The following AMY2B variants were observed in gnomAD, a reference collection of about 807,000 sequenced individuals.
AMY2B encodes amylase alpha 2B.
A neutral mutation model predicts 59.3 loss-of-function variants in AMY2B; 63 were observed. The ratio of observed to expected loss-of-function variants is 1.06; its 90% CI spans 0.87 to 1.31. AMY2B has a LOEUF of 1.31. Among genes scored for constraint, AMY2B ranks in the 50% most tolerant of loss-of-function variants. AMY2B has a pLI of 0.00. For synonymous variants in AMY2B, 180 were observed against 198.1 expected (o/e 0.91, Z 0.77); for missense variants, 635 against 626.7 (o/e 1.01, Z -0.14).
chr1:103,560,828 A>T (rs891051443), intron 1 of AMY2B, among the ~76,000 whole-genome samples: 1 of 152,148 alleles, frequency 6.6e-6, no homozygotes, highest in Non-Finnish European at 1.5e-5. Flanking sequence ...ATATTTTCAT[A>T]TAATATTTTA....
chr1:103,560,558 A>G (rs1163638204), intron 1 of AMY2B, among the ~76,000 whole-genome samples: 1 of 152,136 alleles, frequency 6.6e-6, no homozygotes, highest in Non-Finnish European at 1.5e-5. Context: ...GGAATTAGGC[A>G]CATTTTCTGT....
chr1:103,561,510 G>C (rs1164420347), intron 1 of AMY2B, among the ~76,000 whole-genome samples: 1 of 152,052 alleles, frequency 6.6e-6, no homozygotes, highest in African/African-American at 2.4e-5. Context: ...TTTTGATTTA[G>C]TGACACTGCT....
At position 103,572,107 on chromosome 1, in the gene AMY2B, T is replaced by C. The variant is rs755592483; in HGVS notation, c.169-3T>C. 10 of 1,611,582 alleles carry C rather than the reference T, an allele frequency of 6.2e-6. No homozygotes were observed. In the Admixed American group the frequency reaches 1.0e-4, roughly 16 times the overall value. On this transcript the variant is annotated splice_polypyrimidine_tract_variant and splice_region_variant and intron_variant, in intron 1 of 9. Coordinates refer to ENST00000684275, the MANE Select transcript of AMY2B (RefSeq NM_001387437.1). The stretch of plus-strand genomic sequence containing the variant: ...GTAGTTATGAAGACTGTTTAATTTG[T>C]AGGTCTCTCCACCAAATGAAAATGT...
At chr1:103,575,969 C>CA (rs1382492361) in intron 7 of AMY2B, among the ~76,000 whole-genome samples, 2 of 151,796 alleles carry the variant, frequency 1.3e-5, no homozygotes, top group South Asian at 2.1e-4. Flanking sequence ...ATATGGAATA[C>CA]AAAAAAATGA....
At position 103,575,436 on chromosome 1, in the gene AMY2B, T is replaced by G; in HGVS notation, c.1002-5T>G. 6.2e-7 allele frequency: 1 copy of G among 1,613,548 alleles called. No individual in the cohort carries two copies. Among genetic ancestry groups the G allele is most frequent in the Non-Finnish European group, 8.5e-7 (1 of 1,179,684 alleles). ...TCTGTGATAATATAATTATGTAACTTTCAGGCTGTATAAAATGGCAGTTGG... is the reference window on the plus strand; with the variant it reads ...TCTGTGATAATATAATTATGTAACTGTCAGGCTGTATAAAATGGCAGTTGG... On this transcript the variant is annotated splice_region_variant and splice_polypyrimidine_tract_variant and intron_variant, in intron 6 of 9. Coordinates refer to ENST00000684275, the MANE Select transcript of AMY2B (RefSeq NM_001387437.1).
At chr1:103,571,824 G>C (rs1652144000) in intron 1 of AMY2B, 54 bp downstream of exon 1, 1 of 1,611,904 alleles carries the variant, frequency 6.2e-7, no homozygotes, top group Non-Finnish European at 8.5e-7. Flanking sequence ...GTAGTAAATA[G>C]TATTCTGATC....
chr1:103,576,898 C>T (rs2101078834), intron 7 of AMY2B, among the ~76,000 whole-genome samples: 1 of 152,264 alleles, frequency 6.6e-6, no homozygotes, highest in Admixed American at 6.5e-5. Flanking sequence ...GGTACTAATG[C>T]CCTTCCCATT....
intron 1 of AMY2B, among the ~76,000 whole-genome samples, chr1:103,557,275 A>G (rs1651587441): frequency 6.6e-6 from 1 of 152,160 alleles, no homozygotes; most frequent in African/African-American, 2.4e-5. Flanking sequence ...AAAAGCCAGG[A>G]TATCAAGTAA....
At chr1:103,557,497 C>CA (rs910438470) in intron 1 of AMY2B, among the ~76,000 whole-genome samples, 35 of 151,464 alleles carry the variant, frequency 2.3e-4, no homozygotes, top group Admixed American at 9.2e-4. Context: ...ACTAAAAATA[C>CA]AAAAAAAATT....
intron 1 of AMY2B, among the ~76,000 whole-genome samples, chr1:103,559,517 A>G (rs1291111135): frequency 6.6e-6 from 1 of 152,218 alleles, no homozygotes; most frequent in Non-Finnish European, 1.5e-5. Flanking sequence ...AATTCATACC[A>G]GCATTCATGA....
At chr1:103,565,028 C>T (rs1484943976) in intron 1 of AMY2B, 1 of 152,124 alleles carries the variant, frequency 6.6e-6, no homozygotes, top group Non-Finnish European at 1.5e-5. Context: ...TCTGTACAGT[C>T]TCCACCAAGT....
chr1:103,568,257 T>G (rs2101067972), upstream of AMY2B: 1 of 152,352 alleles, frequency 6.6e-6, no homozygotes, highest in Non-Finnish European at 1.5e-5. Flanking sequence ...AATGGATGGA[T>G]GAAGTTTTTC....
In AMY2B at chr1:103,575,214, C is replaced by G. The variant is rs1652301795; in HGVS notation, c.879-9C>G. 1 of 1,613,110 alleles carries G rather than the reference C, an allele frequency of 6.2e-7. No individual in the cohort carries two copies. ...ATACATCAACATATATCTTATTTTT[C>G]AAAAATAGGAACTGGGGAGAAGGTT... On this transcript the variant is annotated splice_polypyrimidine_tract_variant and intron_variant, in intron 5 of 9. Coordinates refer to ENST00000684275, the MANE Select transcript of AMY2B (RefSeq NM_001387437.1).
chr1:103,573,555 T>A (rs1195420749), intron 3 of AMY2B, among the ~76,000 whole-genome samples, 153 bp from the exon 4 acceptor site: 3 of 152,168 alleles, frequency 2.0e-5, no homozygotes, highest in Non-Finnish European at 4.4e-5. Context: ...CCAAGATACA[T>A]CTATAGTAGA....
chr1:103,574,435 TA>T (rs1306812366), intron 5 of AMY2B, 42 bp downstream of exon 5: 1 of 1,608,432 alleles, frequency 6.2e-7, no homozygotes, highest in South Asian at 1.1e-5. Context: ...TTCATAGATT[TA>T]TTAGTCATAG....
chr1:103,576,211 G>A (rs1336202026), intron 7 of AMY2B, among the ~76,000 whole-genome samples: 2 of 152,134 alleles, frequency 1.3e-5, no homozygotes, highest in Non-Finnish European at 2.9e-5. Context: ...AAAGGGTTCA[G>A]AAACAGCATC....
chr1:103,577,322 T>A (rs1034483286), intron 7 of AMY2B, 168 bp from the exon 8 acceptor site: 7 of 1,256,704 alleles, frequency 5.6e-6, no homozygotes, highest in Non-Finnish European at 6.6e-6. Context: ...GATAGAGAGA[T>A]GATGAAGACC....
At chr1:103,571,085 G>C (rs1310030302), upstream of AMY2B, 603 of 855,156 alleles carry the variant, frequency 7.1e-4, 3 homozygotes, top group Admixed American at 3.0e-3. Context: ...TCCTTAACCA[G>C]TTGTTTCTGT....
upstream of AMY2B, among the ~76,000 whole-genome samples, chr1:103,567,180 G>A (rs1651937486): frequency 6.6e-6 from 1 of 152,190 alleles, no homozygotes; most frequent in African/African-American, 2.4e-5. Context: ...TCAACTTAAT[G>A]TGGAAGGAAA....
Sources: allele counts gnomAD v4.1 joint callset (sites outside exome capture counted in the v4.1 genomes callset), GRCh38; gene constraint gnomAD v4.1.1; transcripts MANE v1.5; gene names NCBI Gene and HGNC (gene_info 2026-07-23, HGNC 2026-07-21).